VWC2: variants seen among roughly 807,000 people sequenced by gnomAD.
The protein encoded by VWC2 is brorin.
A neutral mutation model predicts 29.8 loss-of-function variants in VWC2; 14 were observed. The observed-to-expected ratio is 0.47, with a 90% CI of 0.31 to 0.74. The LOEUF is 0.74. VWC2 is among the 30% of genes least tolerant of loss of function. The probability of loss-of-function intolerance (pLI) is 0.05; values close to 1 mark genes in which losing one functional copy is unlikely to be tolerated. For synonymous variants in VWC2, 213 were observed against 199.0 expected (o/e 1.07, Z -0.59); for missense variants, 457 against 459.8 (o/e 0.99, Z 0.05).
At chr7:49,870,643 A>C (rs1791110568) in intron 3 of VWC2, among the ~76,000 whole-genome samples, 1 of 152,330 alleles carries the variant, frequency 6.6e-6, no homozygotes, top group Middle Eastern at 3.4e-3. Flanking sequence ...TCACATGTGC[A>C]TCAGGAAGGC....
chr7:49,858,010 AC>A (rs1225306414), intron 3 of VWC2, among the ~76,000 whole-genome samples: 1 of 152,086 alleles, frequency 6.6e-6, no homozygotes, highest in African/African-American at 2.4e-5. Context: ...TTCCCCTGTA[AC>A]CTCGTGTCAA....
chr7:49,791,264 A>T (rs967573941), intron 2 of VWC2, among the ~76,000 whole-genome samples: 5 of 152,222 alleles, frequency 3.3e-5, no homozygotes, highest in Non-Finnish European at 5.9e-5. Flanking sequence ...GGCAGCTAGA[A>T]AAGGCACTTT....
intron 2 of VWC2, among the ~76,000 whole-genome samples, chr7:49,790,122 C>A (rs1351514993): frequency 6.6e-6 from 1 of 152,216 alleles, no homozygotes. Flanking sequence ...GAAGTGTAAA[C>A]CCTGCCACTA....
intron 2 of VWC2, among the ~76,000 whole-genome samples, chr7:49,788,457 G>T (rs1788351284): frequency 6.7e-6 from 1 of 149,812 alleles, no homozygotes; most frequent in Non-Finnish European, 1.5e-5. Flanking sequence ...GTGTGTGTGT[G>T]TGTGTGTGTG....
chr7:49,885,494 G>A (rs925069217), intron 3 of VWC2, among the ~76,000 whole-genome samples: 3 of 151,548 alleles, frequency 2.0e-5, no homozygotes, highest in Non-Finnish European at 4.4e-5. Context: ...ATTACATTCT[G>A]AAAAGGTAAA....
chr7:49,877,683 TG>T (rs1285648905), intron 3 of VWC2, among the ~76,000 whole-genome samples: 1 of 149,768 alleles, frequency 6.7e-6, no homozygotes, highest in Admixed American at 6.7e-5. Context: ...AGTCATGAAC[TG>T]GGTGTCAGGA....
rs528676269 is a variant in VWC2, at chr7:49,879,574, A to G, written c.827-32460A>G. The stretch of plus-strand genomic sequence containing the variant: ...CCACTTCTGTTTCACTCCTAGTTCC[A>G]GAACGCAGCACTTCTGGGTCCTGAC... On this transcript the variant is annotated intron_variant, in intron 3 of 3. Transcript: ENST00000340652. Among the ~76,000 whole-genome samples, 66 of 152,290 alleles carry G rather than the reference A, an allele frequency of 4.3e-4. 1 individual carries two copies. In the South Asian group the frequency reaches 0.013, roughly 31 times the overall value.
In VWC2 at chr7:49,805,387, T is replaced by C. The variant is rs145487702; in HGVS notation, c.826+2547T>C. Among the ~76,000 whole-genome samples the C allele has an allele frequency of 2.5e-3, 374 of 152,350 alleles. 3 individuals are homozygous for C. Among genetic ancestry groups the C allele is most frequent in the African/African-American group, 6.7e-3 (278 of 41,596 alleles). On this transcript the variant is annotated intron_variant, in intron 3 of 3. Transcript: ENST00000340652. ...ACTTCTATTATAAGGCTTGATGCAG[T>C]TATATCAAAACATCAACAACTTATT...
At chr7:49,901,486 T>C (rs1438913021) in intron 3 of VWC2, among the ~76,000 whole-genome samples, 1 of 151,754 alleles carries the variant, frequency 6.6e-6, no homozygotes, top group African/African-American at 2.4e-5. Context: ...AATACTTAGG[T>C]ATAAAATTAG....
chr7:49,889,655 G>T (rs1158664279), intron 3 of VWC2, among the ~76,000 whole-genome samples: 1 of 152,154 alleles, frequency 6.6e-6, no homozygotes, highest in Non-Finnish European at 1.5e-5. Flanking sequence ...TGCTCCTTAA[G>T]TTTGCCCTAG....
chr7:49,871,957 A>ACC (rs1791175696), intron 3 of VWC2, among the ~76,000 whole-genome samples: 1 of 107,724 alleles, frequency 9.3e-6, no homozygotes, highest in Admixed American at 9.6e-5. Flanking sequence ...ACACACACAC[A>ACC]CCGAGAAAGA....
intron 3 of VWC2, among the ~76,000 whole-genome samples, chr7:49,875,899 G>A (rs1035845234): frequency 5.9e-5 from 9 of 152,102 alleles, no homozygotes; most frequent in African/African-American, 9.7e-5. Context: ...CCCTGGCATC[G>A]ACTATGATAT....
chr7:49,880,643 G>A (rs1194771178), intron 3 of VWC2, among the ~76,000 whole-genome samples: 1 of 151,436 alleles, frequency 6.6e-6, no homozygotes, highest in Non-Finnish European at 1.5e-5. Flanking sequence ...GAGAACACTT[G>A]GACACAGGGT....
At chr7:49,836,686 A>C (rs1393023231) in intron 3 of VWC2, among the ~76,000 whole-genome samples, 2 of 151,532 alleles carry the variant, frequency 1.3e-5, no homozygotes, top group African/African-American at 4.8e-5. Flanking sequence ...ATAAATACAA[A>C]AAATCTATAC....
At chr7:49,836,904 T>C (rs1789679526) in intron 3 of VWC2, among the ~76,000 whole-genome samples, 1 of 152,184 alleles carries the variant, frequency 6.6e-6, no homozygotes, top group Admixed American at 6.5e-5. Context: ...CACAATTAGA[T>C]CAGAGTTTGA....
In VWC2 at chr7:49,874,775, G is replaced by A. The variant is rs1791326709; in HGVS notation, c.827-37259G>A. Among the ~76,000 whole-genome samples the A allele has an allele frequency of 2.0e-5, 3 of 152,182 alleles. No homozygotes were observed. In the South Asian group the frequency reaches 6.2e-4, roughly 32 times the overall value. ...GCTATAGGACTGTGAGGTGATGAGAGACCAGGAGCCTCACGTCTCACTTGT... is the reference window on the plus strand; with the variant it reads ...GCTATAGGACTGTGAGGTGATGAGAAACCAGGAGCCTCACGTCTCACTTGT... On this transcript the variant is annotated intron_variant, in intron 3 of 3. Coordinates refer to ENST00000340652, the MANE Select transcript of VWC2 (RefSeq NM_198570.5).
intron 3 of VWC2, among the ~76,000 whole-genome samples, chr7:49,814,924 T>G (rs1242610918): frequency 6.6e-6 from 1 of 152,194 alleles, no homozygotes; most frequent in African/African-American, 2.4e-5. Context: ...GGAGGTTGAT[T>G]TCACTCGTGG....
At chr7:49,803,716 G>A (rs967444582) in intron 3 of VWC2, among the ~76,000 whole-genome samples, 5 of 152,188 alleles carry the variant, frequency 3.3e-5, no homozygotes, top group Non-Finnish European at 4.4e-5. Flanking sequence ...TAGCTGTGTG[G>A]CATGGGTTTG....
At chr7:49,785,300 A>G (rs995276954) in intron 2 of VWC2, among the ~76,000 whole-genome samples, 11 of 152,202 alleles carry the variant, frequency 7.2e-5, no homozygotes, top group African/African-American at 2.4e-4. Context: ...TACATGGAGG[A>G]TAGAGTGAAA....
Sources: allele counts gnomAD v4.1 joint callset (sites outside exome capture counted in the v4.1 genomes callset), GRCh38; gene constraint gnomAD v4.1.1; transcripts MANE v1.5; gene names NCBI Gene and HGNC (gene_info 2026-07-23, HGNC 2026-07-21).